The following PHF3 variants were observed in gnomAD, a reference collection of about 807,000 sequenced individuals.
PHF3 encodes the protein PHD finger protein 3.
In PHF3, 41 loss-of-function variants were observed where a neutral mutation model predicts 178.4. The observed-to-expected ratio is 0.23, with a 90% CI of 0.18 to 0.30. PHF3 has a LOEUF of 0.30. Among genes scored for constraint, PHF3 ranks in the 10% least tolerant of loss-of-function variants. The probability of loss-of-function intolerance (pLI) is 1.00; values close to 1 mark genes in which losing one functional copy is unlikely to be tolerated. For missense variants in PHF3, 2,346 were observed against 2,398.1 expected (o/e 0.98, Z 0.45); for synonymous variants, 842 against 800.5 (o/e 1.05, Z -0.88).
chr6:63,703,953 A>G (rs1282961058), intron 11 of PHF3, among the ~76,000 whole-genome samples: 2 of 152,250 alleles, frequency 1.3e-5, no homozygotes, highest in Non-Finnish European at 2.9e-5. Flanking sequence ...TAGAATGAAC[A>G]TCAAACATTG....
chr6:63,679,668 A>T, intron 2 of PHF3: 2 of 360,148 alleles, frequency 5.6e-6, no homozygotes, highest in Non-Finnish European at 1.1e-5. Flanking sequence ...CAAAATTGTG[A>T]TACTTGAGTA....
chr6:63,671,986 C>G (rs1435483972), intron 2 of PHF3, among the ~76,000 whole-genome samples: 1 of 152,050 alleles, frequency 6.6e-6, no homozygotes, highest in Non-Finnish European at 1.5e-5. Context: ...ATCTCATGAT[C>G]TGCGTGCCAC....
chr6:63,642,615 C>G (rs1028193909), intron 1 of PHF3, among the ~76,000 whole-genome samples: 1 of 152,126 alleles, frequency 6.6e-6, no homozygotes, highest in African/African-American at 2.4e-5. Flanking sequence ...ATTACCAATA[C>G]GGATTTAATT....
At chr6:63,640,536 C>G (rs1257972662) in intron 1 of PHF3, among the ~76,000 whole-genome samples, 1 of 152,164 alleles carries the variant, frequency 6.6e-6, no homozygotes, top group Admixed American at 6.5e-5. Flanking sequence ...CAGTAAATAT[C>G]CAGTGAGTTT....
In PHF3 at chr6:63,702,558, C is replaced by T; in HGVS notation, c.3150C>T (p.Ile1050=). Reference sequence around the variant, plus strand: ...AGAGAGAAGTGGAACGACGGCCAATCACCAAAATAACTCATAAAGGTGAAA... The same window carrying T: ...AGAGAGAAGTGGAACGACGGCCAATTACCAAAATAACTCATAAAGGTGAAA... ...KEQREVERRP[I]TKITHKGEIE... is the part of the protein sequence containing the mutation. Residue 1050 remains isoleucine (I), a synonymous_variant, in exon 10 of 16, where the codon ATC becomes ATT. Transcript: ENST00000262043. The T allele has an allele frequency of 6.2e-7, 1 of 1,612,696 alleles. No individual in the cohort carries two copies. The highest frequency in any genetic ancestry group is 8.5e-7 in the Non-Finnish European group (1 of 1,179,072).
intron 2 of PHF3, among the ~76,000 whole-genome samples, chr6:63,660,878 C>T (rs1765437650): frequency 6.6e-6 from 1 of 152,192 alleles, no homozygotes; most frequent in Non-Finnish European, 1.5e-5. Context: ...ATGTTGCTCT[C>T]CTGTATTTCA....
Position 63,717,063 on chromosome 6 carries a change from TC to T in PHF3, c.*3356del, listed in dbSNP as rs1768212845. Among the ~76,000 whole-genome samples, 1 of 152,066 alleles carries T rather than the reference TC, an allele frequency of 6.6e-6. No homozygotes were observed. Among genetic ancestry groups the T allele is most frequent in the African/African-American group, 2.4e-5 (1 of 41,428 alleles). Reference sequence around the variant, plus strand: ...TTATTGTGGGTGAATTAATCTGAAATCTTTATAGAATAGCTAAGGCTATAGT... The same window carrying T: ...TTATTGTGGGTGAATTAATCTGAAATTTTATAGAATAGCTAAGGCTATAGT... On this transcript the variant is annotated 3_prime_UTR_variant, in exon 16 of 16. Transcript: ENST00000262043.
chr6:63,665,895 A>G (rs1765662007), intron 2 of PHF3, among the ~76,000 whole-genome samples: 1 of 152,196 alleles, frequency 6.6e-6, no homozygotes, highest in Non-Finnish European at 1.5e-5. Flanking sequence ...CTGAAGGCAA[A>G]CAAAAGGGTG....
chr6:63,696,102 G>A (rs1767217683), intron 6 of PHF3, among the ~76,000 whole-genome samples: 1 of 152,110 alleles, frequency 6.6e-6, no homozygotes, highest in Admixed American at 6.5e-5. Context: ...GGAGCATTGT[G>A]GATTTCAGAT....
In PHF3 at chr6:63,674,846, G is replaced by C. The variant is rs115992914; in HGVS notation, c.245-5154G>C. Reference sequence around the variant, plus strand: ...TTGAGCTAAGTTTGACCTTTGTGCTGCCTGCATAATTAACGCATTCCAAAT... The same window carrying C: ...TTGAGCTAAGTTTGACCTTTGTGCTCCCTGCATAATTAACGCATTCCAAAT... On this transcript the variant is annotated intron_variant, in intron 2 of 15. Coordinates refer to ENST00000262043, the MANE Select transcript of PHF3 (RefSeq NM_001370348.2). Among the ~76,000 whole-genome samples, 921 of 152,272 alleles carry C rather than the reference G, an allele frequency of 6.0e-3. 8 individuals carry two copies. The highest frequency in any genetic ancestry group is 0.02 in the African/African-American group (846 of 41,544).
At chr6:63,667,402 G>T (rs1188488058) in intron 2 of PHF3, among the ~76,000 whole-genome samples, 1 of 152,036 alleles carries the variant, frequency 6.6e-6, no homozygotes, top group East Asian at 1.9e-4. Context: ...CTCACATTTA[G>T]TCATCACCAA....
intron 2 of PHF3, among the ~76,000 whole-genome samples, chr6:63,672,518 A>G (rs970878055): frequency 6.6e-6 from 1 of 152,208 alleles, no homozygotes; most frequent in Non-Finnish European, 1.5e-5. Context: ...ACACTTTAAT[A>G]CATTTTTAGC....
At chr6:63,653,565 T>C (rs1004977831) in intron 2 of PHF3, among the ~76,000 whole-genome samples, 3 of 152,174 alleles carry the variant, frequency 2.0e-5, no homozygotes, top group Non-Finnish European at 4.4e-5. Flanking sequence ...TGAATTTGTT[T>C]ATAAGTTCTA....
At chr6:63,661,204 A>T (rs910191426) in intron 2 of PHF3, among the ~76,000 whole-genome samples, 1 of 152,194 alleles carries the variant, frequency 6.6e-6, no homozygotes, top group Non-Finnish European at 1.5e-5. Flanking sequence ...TAAATAATTT[A>T]CCTCCAGGAA....
rs555231490 is a variant in PHF3 at position 63,651,082 on chromosome 6, A to G, written c.244+4287A>G. On this transcript the variant is annotated intron_variant, in intron 2 of 15. Transcript: ENST00000262043. Reference sequence around the variant, plus strand: ...AATGAACCTTTTACATTAATAACTTATTTTTGAGAATCGAGTTTTAAAAAA... The same window carrying G: ...AATGAACCTTTTACATTAATAACTTGTTTTTGAGAATCGAGTTTTAAAAAA... 7.9e-5 allele frequency among the ~76,000 whole-genome samples: 12 copies of G among 152,184 alleles called. No individual in the cohort carries two copies. In the East Asian group the frequency reaches 2.1e-3, roughly 27 times the overall value.
Position 63,684,998 on chromosome 6 carries a change from A to G in PHF3, c.1276A>G (p.Thr426Ala). 1.2e-6 allele frequency: 2 copies of G among 1,614,106 alleles called. No individual in the cohort carries two copies. The highest frequency in any genetic ancestry group is 2.2e-5 in the East Asian group (1 of 44,858). The change falls in exon 4 of 16, where the codon ACT becomes GCT. Residue 426 changes from threonine (T) to alanine (A), a missense_variant. Thr to Ala is a moderately conservative substitution (Grantham distance 58). Transcript: ENST00000262043. ...TAAATCAAACTTAGAGGTGGTTGAT[A>G]CTAGTACTTTTGGACCGGAAAGTAA... The part of the protein sequence containing the change: ...FNKSNLEVVD[T>A]STFGPESNIL...
chr6:63,694,490 T>C, intron 5 of PHF3, 91 bp from the exon 6 acceptor site: 2 of 880,000 alleles, frequency 2.3e-6, no homozygotes, highest in African/African-American at 1.7e-5. Flanking sequence ...AATCTCATTT[T>C]ACTAATAATC....
chr6:63,638,705 A>G (rs1432585815), intron 1 of PHF3, among the ~76,000 whole-genome samples: 1 of 152,106 alleles, frequency 6.6e-6, no homozygotes, highest in Admixed American at 6.5e-5. Context: ...CTTTTCTGGA[A>G]AAGTACATCT....
intron 5 of PHF3, among the ~76,000 whole-genome samples, chr6:63,692,508 G>A (rs1047037854): frequency 6.6e-6 from 1 of 152,074 alleles, no homozygotes; most frequent in African/African-American, 2.4e-5. Flanking sequence ...TAAAGGACAC[G>A]GCATTTTATC....
Sources: allele counts gnomAD v4.1 joint callset (sites outside exome capture counted in the v4.1 genomes callset), GRCh38; gene constraint gnomAD v4.1.1; transcripts MANE v1.5; gene names NCBI Gene and HGNC (gene_info 2026-07-23, HGNC 2026-07-21).